TMEM200A: variants seen among roughly 807,000 people sequenced by gnomAD.
TMEM200A encodes the protein transmembrane protein 200A, also known as two transmembrane C.
A neutral mutation model predicts 24.3 loss-of-function variants in TMEM200A; 12 were observed. The observed-to-expected ratio is 0.49, with a 90% CI of 0.32 to 0.80. The LOEUF is 0.80. Ranked by LOEUF, TMEM200A falls within the 30% of genes least tolerant of loss-of-function variation. The pLI, the probability that TMEM200A is intolerant of heterozygous loss-of-function variation, is 0.04. For missense variants in TMEM200A, 545 were observed against 614.4 expected, an observed-to-expected ratio of 0.89 and a Z score of 1.19; for synonymous variants, 224 against 224.4, an observed-to-expected ratio of 1.00 and a Z score of 0.02.
At chr6:130,398,914 C>T (rs17188950) in intron 2 of TMEM200A, among the ~76,000 whole-genome samples, 4,158 of 151,874 alleles carry the variant, frequency 0.027, 67 homozygotes, top group African/African-American at 0.042. Flanking sequence ...TTTTCATTGT[C>T]CAATTTCCTT....
chr6:130,380,672 T>C (rs1562551037), intron 1 of TMEM200A, among the ~76,000 whole-genome samples: 1 of 152,174 alleles, frequency 6.6e-6, no homozygotes, highest in Non-Finnish European at 1.5e-5. Flanking sequence ...TACAGTGAAA[T>C]ACATAGCAGA....
In TMEM200A at chr6:130,440,938, G is replaced by T. The variant is rs143602233; in HGVS notation, c.516G>T (p.Thr172=). The T allele has an allele frequency of 1.3e-5, 21 of 1,613,850 alleles. No homozygotes were observed. The highest frequency in any genetic ancestry group is 1.8e-5 in the Non-Finnish European group (21 of 1,179,996). ...ATTCCACAGTCATTGACATTCACAC[G>T]CTAAGAATCAAGGAGCAAAGGCAAA... ...DIYSTVIDIH[T]LRIKEQRQMN... Residue 172 remains threonine, a synonymous_variant, in exon 3 of 3, where the codon ACG becomes ACT. Coordinates refer to ENST00000296978, the MANE Select transcript of TMEM200A (RefSeq NM_001258277.2).
chr6:130,426,463 C>T (rs7743080), intron 2 of TMEM200A, among the ~76,000 whole-genome samples: 6 of 143,488 alleles, frequency 4.2e-5, no homozygotes, highest in Non-Finnish European at 7.5e-5. Context: ...TTCTGCAGCC[C>T]CCCCCCCCTC....
Position 130,441,865 on chromosome 6 carries a change from C to A in TMEM200A, c.1443C>A (p.Asn481Lys), listed in dbSNP as rs1329216325. Residue 481 changes from asparagine to lysine, a missense_variant, in exon 3 of 3, where the codon AAC becomes AAA. Physicochemically the swap from Asn to Lys is moderately conservative, Grantham distance 94 (BLOSUM62 0). Coordinates refer to ENST00000296978, the MANE Select transcript of TMEM200A (RefSeq NM_001258277.2). ...AACATGATGAGTTTTTGAGTAACAA[C>A]CTAAAGAGGGGAACTTCTGAAACAA... is the stretch of plus-strand genomic sequence containing the variant. The part of the protein sequence containing the change: ...SFEHDEFLSN[N>K]LKRGTSETRF The A allele has an allele frequency of 6.2e-7, 1 of 1,607,712 alleles. No individual in the cohort carries two copies. Among genetic ancestry groups the A allele is most frequent in the East Asian group, 2.2e-5 (1 of 44,788 alleles).
At chr6:130,435,085 C>A (rs1277619524) in intron 2 of TMEM200A, among the ~76,000 whole-genome samples, 2 of 150,964 alleles carry the variant, frequency 1.3e-5, no homozygotes, top group African/African-American at 4.9e-5. Context: ...CAATATGTAG[C>A]CAAAAGTTAG....
rs142699820 is a variant in TMEM200A, at chr6:130,420,468, T to C, written c.-16-19939T>C. 2.9e-4 allele frequency among the ~76,000 whole-genome samples: 44 copies of C among 152,198 alleles called. No homozygotes were observed. In the East Asian group the frequency reaches 7.2e-3, roughly 25 times the overall value. ...GGATCATGTCATGTCACACACTAGCTCTTAAAGTTTTTCACCAGGAAGAGA... is the reference window on the plus strand; with the variant it reads ...GGATCATGTCATGTCACACACTAGCCCTTAAAGTTTTTCACCAGGAAGAGA... On this transcript the variant is annotated intron_variant, in intron 2 of 2. Transcript: ENST00000296978.
intron 1 of TMEM200A, among the ~76,000 whole-genome samples, chr6:130,383,836 G>A (rs866076288): frequency 1.3e-5 from 2 of 152,190 alleles, no homozygotes; most frequent in African/African-American, 4.8e-5. Context: ...GAAAAGAAGA[G>A]GCAGGGAGCG....
intron 2 of TMEM200A, among the ~76,000 whole-genome samples, chr6:130,405,172 T>C (rs978332910): frequency 2.0e-5 from 3 of 152,172 alleles, no homozygotes; most frequent in African/African-American, 4.8e-5. Flanking sequence ...TTTAAAAATT[T>C]TTTTTTCTAG....
At chr6:130,426,354 G>T (rs1779738193) in intron 2 of TMEM200A, among the ~76,000 whole-genome samples, 1 of 152,042 alleles carries the variant, frequency 6.6e-6, no homozygotes, top group Non-Finnish European at 1.5e-5. Context: ...GAGTGGACTA[G>T]AGATTTAATT....
chr6:130,440,905 G>A lies in TMEM200A; in HGVS notation c.483G>A (p.Arg161=). ...RDKETKIIHM[R]DIYSTVIDIH... ...AAGAGACCAAAATCATACACATGAG[G>A]GATATCTATTCCACAGTCATTGACA... Residue 161 remains arginine, a synonymous_variant, in exon 3 of 3, where the codon AGG becomes AGA. Coordinates refer to ENST00000296978, the MANE Select transcript of TMEM200A (RefSeq NM_001258277.2). 1.2e-6 allele frequency: 2 copies of A among 1,613,970 alleles called. No individual in the cohort carries two copies. The highest frequency in any genetic ancestry group is 1.7e-6 in the Non-Finnish European group (2 of 1,179,990).
intron 2 of TMEM200A, among the ~76,000 whole-genome samples, chr6:130,400,614 C>T (rs1416604982): frequency 1.3e-5 from 2 of 151,452 alleles, no homozygotes; most frequent in Non-Finnish European, 2.9e-5. Context: ...TTTATTTCTG[C>T]TGGGTTTTGA....
intron 1 of TMEM200A, among the ~76,000 whole-genome samples, chr6:130,369,692 A>T (rs1386582777): frequency 1.3e-5 from 2 of 152,204 alleles, no homozygotes; most frequent in Non-Finnish European, 2.9e-5. Flanking sequence ...TATAAAGGCG[A>T]GGATTCTGGG....
At chr6:130,404,305 G>A (rs1779156929) in intron 2 of TMEM200A, among the ~76,000 whole-genome samples, 1 of 152,084 alleles carries the variant, frequency 6.6e-6, no homozygotes, top group Admixed American at 6.6e-5. Flanking sequence ...CAGTGTATAA[G>A]TGTTCCTTTT....
At position 130,441,799 on chromosome 6, in the gene TMEM200A, G is replaced by T; in HGVS notation, c.1377G>T (p.Lys459Asn). The T allele has an allele frequency of 6.2e-7, 1 of 1,614,054 alleles. No individual in the cohort carries two copies. The highest frequency in any genetic ancestry group is 8.5e-7 in the Non-Finnish European group (1 of 1,179,968). Residue 459 changes from lysine to asparagine, a missense_variant, in exon 3 of 3, where the codon AAG becomes AAT. Lys to Asn is a moderately conservative substitution (Grantham distance 94). Coordinates refer to ENST00000296978, the MANE Select transcript of TMEM200A (RefSeq NM_001258277.2). ...AAAAGGACTTTACCAATAAGGAGAA[G>T]CTTCTTATGATTTCAAGATCTCACA... is the stretch of plus-strand genomic sequence containing the variant. ...AIKKDFTNKEKLLMISRSHNN... is the reference protein window; with the variant it reads ...AIKKDFTNKENLLMISRSHNN...
At chr6:130,433,571 T>C (rs1411630552) in intron 2 of TMEM200A, among the ~76,000 whole-genome samples, 2 of 152,224 alleles carry the variant, frequency 1.3e-5, no homozygotes, top group African/African-American at 4.8e-5. Flanking sequence ...TTGAAATGTC[T>C]CAACCAGGAA....
intron 2 of TMEM200A, among the ~76,000 whole-genome samples, chr6:130,391,731 CTTTTTTTTTTTTTTTTT>C (rs773093362): frequency 1.3e-4 from 11 of 81,886 alleles, no homozygotes; most frequent in African/African-American, 5.1e-4. Context: ...TTCAAGATTC[CTTTTTTTTTTTTTTTTT>C]TTTTTTTTTT....
intron 2 of TMEM200A, among the ~76,000 whole-genome samples, chr6:130,435,112 A>G (rs1288244411): frequency 6.6e-6 from 1 of 150,860 alleles, no homozygotes; most frequent in African/African-American, 2.4e-5. Context: ...CTAATTTTGT[A>G]TTTTTGGTTG....
chr6:130,404,468 GTCT>G (rs1779160350), intron 2 of TMEM200A, among the ~76,000 whole-genome samples: 2 of 152,076 alleles, frequency 1.3e-5, no homozygotes, highest in Admixed American at 1.3e-4. Flanking sequence ...CTGCATGTAT[GTCT>G]TATTTTGAAA....
intron 2 of TMEM200A, among the ~76,000 whole-genome samples, chr6:130,413,743 AAC>A (rs1779385260): frequency 6.6e-6 from 1 of 152,160 alleles, no homozygotes; most frequent in African/African-American, 2.4e-5. Context: ...ATCCAGCTTA[AAC>A]ACACTTAACA....
Sources: gnomAD v4.1 joint callset for allele counts (sites outside exome capture counted in the v4.1 genomes callset) on GRCh38, gnomAD v4.1.1 for gene constraint, MANE v1.5 for transcripts, NCBI Gene and HGNC (gene_info 2026-07-23, HGNC 2026-07-21) for gene names.